Variants in MTA3 observed in about 807,000 individuals in gnomAD.
MTA3 encodes metastasis associated 1 family member 3, also known as metastasis-associated protein MTA3.
In MTA3, 34 loss-of-function variants were observed where a neutral mutation model predicts 83.5. The observed-to-expected ratio is 0.41, with a 90% CI of 0.31 to 0.54. MTA3 has a LOEUF of 0.54. Ranked by LOEUF, MTA3 falls within the 20% of genes least tolerant of loss-of-function variation. The probability of loss-of-function intolerance (pLI) is 0.33; values close to 1 mark genes in which losing one functional copy is unlikely to be tolerated. For missense variants in MTA3, 761 were observed against 726.4 expected, an observed-to-expected ratio of 1.05 and a Z score of -0.55; for synonymous variants, 303 against 252.7, an observed-to-expected ratio of 1.20 and a Z score of -1.89.
chr2:42,592,490 A>G (rs1471019989), intron 3 of MTA3, among the ~76,000 whole-genome samples: 1 of 152,106 alleles, frequency 6.6e-6, no homozygotes, highest in Non-Finnish European at 1.5e-5. Flanking sequence ...AGGTTTAGAC[A>G]GGAGTATTGC....
intron 8 of MTA3, among the ~76,000 whole-genome samples, chr2:42,662,479 C>T (rs1156468828): frequency 6.6e-6 from 1 of 151,452 alleles, no homozygotes; most frequent in East Asian, 1.9e-4. Context: ...AATTAATTGT[C>T]CCAGTACCAT....
At chr2:42,657,668 A>G (rs541478556) in intron 7 of MTA3, among the ~76,000 whole-genome samples, 29 of 151,224 alleles carry the variant, frequency 1.9e-4, no homozygotes, top group African/African-American at 7.0e-4. Flanking sequence ...TGGCTTATGC[A>G]TGTAACCCCA....
intron 3 of MTA3, among the ~76,000 whole-genome samples, chr2:42,582,947 G>T (rs1198941329): frequency 1.3e-5 from 2 of 151,984 alleles, no homozygotes; most frequent in Non-Finnish European, 2.9e-5. Context: ...TTCAGATTCT[G>T]GTTGGCTGTT....
In MTA3 at chr2:42,755,982, C is replaced by T; in HGVS notation, c.*2583C>T. On this transcript the variant is annotated 3_prime_UTR_variant, in exon 17 of 17. Coordinates refer to ENST00000405094, the MANE Select transcript of MTA3 (RefSeq NM_001330442.2). ...GTTTCAGCCTGCCCTTCACAATTCC[C>T]CTTGTGCACAGCCCAGTTTCCATCT... The T allele has an allele frequency of 4.1e-6, 4 of 985,512 alleles. No homozygotes were observed. The highest frequency in any genetic ancestry group is 4.8e-6 in the Non-Finnish European group (4 of 829,986). 61.0% of individuals were successfully genotyped at this position (985,512 alleles called of 1,614,324 possible).
chr2:42,752,135 A>G (rs1252567860), intron 16 of MTA3: 2 of 469,598 alleles, frequency 4.3e-6, no homozygotes, highest in Non-Finnish European at 8.8e-6. Flanking sequence ...CAAGGTTAGC[A>G]TGATTCCTAA....
intron 4 of MTA3, among the ~76,000 whole-genome samples, chr2:42,618,688 G>A (rs1685195843): frequency 6.6e-6 from 1 of 151,942 alleles, no homozygotes; most frequent in African/African-American, 2.4e-5. Flanking sequence ...GCTCACTGTG[G>A]CCTCCACCTC....
rs1670200095 is a variant in MTA3, at chr2:42,755,789, G to A, written c.*2390G>A. ...TGTCACTGTGGTTCAGTGAGCACAT[G>A]GGTGGACGTGCAGAGACTGTCTGCG... On this transcript the variant is annotated 3_prime_UTR_variant, in exon 17 of 17. Transcript: ENST00000405094. The A allele has an allele frequency of 2.0e-6, 2 of 985,532 alleles. No homozygotes were observed. The highest frequency in any genetic ancestry group is 2.4e-6 in the Non-Finnish European group (2 of 830,008). The allele number at this position is 985,532 out of a possible 1,614,324, so 61.0% of individuals were successfully genotyped here. A position where few individuals can be genotyped will look rare whatever the true frequency, so the allele number is the denominator to read the frequency against.
At position 42,690,681 on chromosome 2, in the gene MTA3, T is replaced by A. The variant is rs76678704; in HGVS notation, c.892-5084T>A. Among the ~76,000 whole-genome samples the A allele has an allele frequency of 4.0e-4, 7 of 17,626 alleles. No individual in the cohort carries two copies. In the African/African-American group the frequency reaches 0.011, roughly 28 times the overall value. 11.6% of individuals were successfully genotyped at this position (17,626 alleles called of 152,430 possible). On this transcript the variant is annotated intron_variant, in intron 9 of 16. Transcript: ENST00000405094. ...GGGTACATGAAATTTTTTAATTTAA[T>A]TTTTTTTTTTTTTTTGGAGACAGAG...
intron 8 of MTA3, among the ~76,000 whole-genome samples, chr2:42,673,720 CAGCTG>C (rs376823785): frequency 4.6e-5 from 7 of 152,300 alleles, no homozygotes; most frequent in African/African-American, 1.7e-4. Context: ...CAGCTGACTC[CAGCTG>C]ATTTGTGGCA....
chr2:42,596,055 G>T lies in MTA3; in HGVS notation c.191-13403G>T, dbSNP rs1403226402. Among the ~76,000 whole-genome samples, 5 of 152,200 alleles carry T rather than the reference G, an allele frequency of 3.3e-5. No homozygotes were observed. The East Asian group carries it at 9.6e-4, about 29-fold the overall frequency. On this transcript the variant is annotated intron_variant, in intron 3 of 16. Coordinates refer to ENST00000405094, the MANE Select transcript of MTA3 (RefSeq NM_001330442.2). ...ACAATAAAAGGTCATCCTGGCATTTGAAAAACTTTTTCTTATTTCTAATTT... is the reference window on the plus strand; with the variant it reads ...ACAATAAAAGGTCATCCTGGCATTTTAAAAACTTTTTCTTATTTCTAATTT...
intron 2 of MTA3, among the ~76,000 whole-genome samples, chr2:42,559,501 CAAAA>C (rs543291273): frequency 9.4e-6 from 1 of 106,596 alleles, no homozygotes; most frequent in Non-Finnish European, 2.0e-5. Context: ...GACCTTGTCT[CAAAA>C]AAAAAAAAAA....
intron 15 of MTA3, among the ~76,000 whole-genome samples, chr2:42,721,588 C>G (rs1215233275): frequency 1.3e-5 from 2 of 152,244 alleles, no homozygotes; most frequent in East Asian, 3.9e-4. Flanking sequence ...CTTGGCCTCC[C>G]AAAGTACTGG....
chr2:42,559,882 G>C (rs1253534645), intron 2 of MTA3, among the ~76,000 whole-genome samples: 1 of 149,890 alleles, frequency 6.7e-6, no homozygotes, highest in Non-Finnish European at 1.5e-5. Context: ...TGGGCAACAA[G>C]AGCGAAACTC....
chr2:42,655,586 A>G (rs1689091554), intron 6 of MTA3, among the ~76,000 whole-genome samples: 3 of 152,294 alleles, frequency 2.0e-5, no homozygotes, highest in Middle Eastern at 6.8e-3. Flanking sequence ...TAGTTTAAAC[A>G]TCTTGTGGAA....
intron 14 of MTA3, chr2:42,709,628 T>G (rs1213304700): frequency 6.6e-6 from 1 of 152,534 alleles, no homozygotes; most frequent in Non-Finnish European, 1.5e-5. Flanking sequence ...AAATTCACCC[T>G]TGATTCATAA....
chr2:42,616,047 C>T (rs112812760), intron 4 of MTA3, among the ~76,000 whole-genome samples: 10,766 of 151,238 alleles, frequency 0.071, 493 homozygotes, highest in Middle Eastern at 0.15. Context: ...CGAGACTGGC[C>T]GCTAATAATC....
At position 42,568,722 on chromosome 2, in the gene MTA3, G is replaced by C. The variant is rs1216969479; in HGVS notation, c.-24G>C. ...GCGGCGGCGGGCGGGGCTCGGCTCG[G>C]GCTCCGCGGGCGGGCGGGCGGACAT... On this transcript the variant is annotated 5_prime_UTR_variant, in exon 1 of 17. Coordinates refer to ENST00000405094, the MANE Select transcript of MTA3 (RefSeq NM_001330442.2). The C allele has an allele frequency of 8.2e-7, 1 of 1,212,900 alleles. No individual in the cohort carries two copies. The highest frequency in any genetic ancestry group is 1.0e-6 in the Non-Finnish European group (1 of 976,960). 75.1% of individuals were successfully genotyped at this position (1,212,900 alleles called of 1,614,324 possible).
At chr2:42,615,442 G>A (rs1684747416) in intron 4 of MTA3, among the ~76,000 whole-genome samples, 1 of 151,582 alleles carries the variant, frequency 6.6e-6, no homozygotes, top group African/African-American at 2.4e-5. Flanking sequence ...TGCAACCTCT[G>A]CCTCCCAGGT....
At chr2:42,615,003 A>G (rs1684686127) in intron 4 of MTA3, among the ~76,000 whole-genome samples, 1 of 151,272 alleles carries the variant, frequency 6.6e-6, no homozygotes. Context: ...AAAAGCAGAA[A>G]ACCTAGGCTG....
Sources: allele counts gnomAD v4.1 joint callset (sites outside exome capture counted in the v4.1 genomes callset), GRCh38; gene constraint gnomAD v4.1.1; transcripts MANE v1.5; gene names NCBI Gene and HGNC (gene_info 2026-07-23, HGNC 2026-07-21).